Variants in PTBP3 observed in about 807,000 individuals in gnomAD.
PTBP3 encodes the protein polypyrimidine tract-binding protein 3.
A neutral mutation model predicts 58.7 loss-of-function variants in PTBP3; 20 were observed. The ratio of observed to expected loss-of-function variants is 0.34; its 90% confidence interval spans 0.24 to 0.50. The LOEUF is 0.50. Ranked by LOEUF, PTBP3 falls within the 20% of genes least tolerant of loss-of-function variation. The pLI is 0.98. For synonymous variants in PTBP3, 185 were observed against 219.8 expected (o/e 0.84, Z 1.40); for missense variants, 509 against 637.2 (o/e 0.80, Z 2.17).
intron 7 of PTBP3, among the ~76,000 whole-genome samples, chr9:112,250,197 C>T (rs937392822): frequency 6.6e-6 from 1 of 151,902 alleles, no homozygotes; most frequent in African/African-American, 2.4e-5. Context: ...CAATATTTTA[C>T]GGTGTTATTT....
In PTBP3 at chr9:112,302,582, C is replaced by CTTTTTTTT. The variant is rs369208342; in HGVS notation, c.-51-4674_-51-4667dup. Among the ~76,000 whole-genome samples the CTTTTTTTT allele has an allele frequency of 3.3e-3, 367 of 110,440 alleles. 18 individuals carry two copies. Among genetic ancestry groups the CTTTTTTTT allele is most frequent in the Middle Eastern group, 9.9e-3 (2 of 202 alleles). The allele number at this position is 110,440 out of a possible 152,430, so 72.5% of individuals were successfully genotyped here. A position where few individuals can be genotyped will look rare whatever the true frequency, so the allele number is the denominator to read the frequency against. On this transcript the variant is annotated intron_variant, in intron 1 of 13. Transcript: ENST00000374257. Reference sequence around the variant, plus strand: ...CCCAAAAGCTGACTATATTCTTCATCTTTTTTTTTTTTTTTTTTTTTTTGG... The same window carrying CTTTTTTTT: ...CCCAAAAGCTGACTATATTCTTCATCTTTTTTTTTTTTTTTTTTTTTTTTTTTTTTTGG...
rs772584990 is a variant in PTBP3, at chr9:112,306,586, G to GTGTATA, written c.-51-8671_-51-8670insTATACA. On this transcript the variant is annotated intron_variant, in intron 1 of 13. Transcript: ENST00000374257. Reference sequence around the variant, plus strand: ...AAAACCAGAAAATTAATTTAAATTTGTATATATATATATATATATTTTTGT... The same window carrying GTGTATA: ...AAAACCAGAAAATTAATTTAAATTTGTGTATATATATATATATATATATATTTTTGT... 9.6e-5 allele frequency among the ~76,000 whole-genome samples: 11 copies of GTGTATA among 114,550 alleles called. No individual in the cohort carries two copies. In the East Asian group the frequency reaches 1.4e-3, roughly 15 times the overall value. The allele number at this position is 114,550 out of a possible 152,430, so 75.1% of individuals were successfully genotyped here.
chr9:112,291,689 T>C (rs748868886), intron 2 of PTBP3, among the ~76,000 whole-genome samples: 1 of 152,154 alleles, frequency 6.6e-6, no homozygotes, highest in East Asian at 1.9e-4. Context: ...ATTGGACTCT[T>C]ACTTTACACC....
At position 112,332,770 on chromosome 9, in the gene PTBP3, CA is replaced by C. The variant is rs1302826612; in HGVS notation, c.-52+699del. 1.9e-6 allele frequency: 3 copies of C among 1,611,918 alleles called. No homozygotes were observed. In the Admixed American group the frequency reaches 5.0e-5, roughly 27 times the overall value. ...ATGCCCCCGAAAATCGCTCGTACATCATATTTTACATACACGGGCAGATAAT... is the reference window on the plus strand; with the variant it reads ...ATGCCCCCGAAAATCGCTCGTACATCTATTTTACATACACGGGCAGATAAT... On this transcript the variant is annotated intron_variant, in intron 1 of 13. Transcript: ENST00000374257.
the PTBP3 span, among the ~76,000 whole-genome samples, chr9:112,364,033 C>T: frequency 6.6e-6 from 1 of 152,092 alleles, no homozygotes; most frequent in East Asian, 1.9e-4. Flanking sequence ...AACACTGATC[C>T]TTTTTACTGT....
chr9:112,274,974 C>T (rs1827545575), intron 3 of PTBP3, among the ~76,000 whole-genome samples: 1 of 152,146 alleles, frequency 6.6e-6, no homozygotes, highest in African/African-American at 2.4e-5. Context: ...ATTGTCACTT[C>T]CTTGTTCCCA....
chr9:112,256,268 A>C (rs1234862160), intron 5 of PTBP3, among the ~76,000 whole-genome samples: 2 of 100,840 alleles, frequency 2.0e-5, no homozygotes, highest in South Asian at 3.4e-4. Context: ...AAAAAAAAAA[A>C]CAAAATATAT....
At chr9:112,298,695 C>A in intron 1 of PTBP3, 3 of 326,112 alleles carry the variant, frequency 9.2e-6, no homozygotes, top group Non-Finnish European at 6.0e-6. Context: ...CCCAAACAAT[C>A]CTACAAATAT....
chr9:112,263,260 C>T (rs1836671696), intron 4 of PTBP3, among the ~76,000 whole-genome samples: 1 of 152,110 alleles, frequency 6.6e-6, no homozygotes, highest in South Asian at 2.1e-4. Flanking sequence ...CATAGGAAAC[C>T]TTTAGTCCAT....
chr9:112,328,477 A>G (rs552022762), intron 1 of PTBP3, among the ~76,000 whole-genome samples: 1 of 152,360 alleles, frequency 6.6e-6, no homozygotes, highest in East Asian at 1.9e-4. Flanking sequence ...GTAGTCAGAA[A>G]GCCAAATTTT....
At chr9:112,234,240 G>C (rs1299776775) in intron 8 of PTBP3, among the ~76,000 whole-genome samples, 1 of 151,968 alleles carries the variant, frequency 6.6e-6, no homozygotes, top group African/African-American at 2.4e-5. Flanking sequence ...CATTATCAAC[G>C]TATTAATCAA....
intron 3 of PTBP3, among the ~76,000 whole-genome samples, chr9:112,269,864 A>C (rs1385617353): frequency 6.6e-6 from 1 of 152,078 alleles, no homozygotes; most frequent in African/African-American, 2.4e-5. Context: ...TGCCTTTTTA[A>C]GTGTTTCTAG....
intron 2 of PTBP3, among the ~76,000 whole-genome samples, chr9:112,284,104 T>C (rs538587343): frequency 7.5e-6 from 1 of 134,228 alleles, no homozygotes; most frequent in Non-Finnish European, 1.6e-5. Flanking sequence ...AGAAGGGAAA[T>C]GTGGGGTTGG....
intron 3 of PTBP3, among the ~76,000 whole-genome samples, chr9:112,271,724 A>G (rs1278757118): frequency 6.6e-5 from 10 of 152,140 alleles, no homozygotes; most frequent in Admixed American, 6.6e-4. Flanking sequence ...GCAACAGAGC[A>G]AGACTCCGCT....
In PTBP3 at chr9:112,317,968, T is replaced by C. The variant is rs1829775416; in HGVS notation, c.-52+15502A>G. 2.0e-5 allele frequency among the ~76,000 whole-genome samples: 3 copies of C among 152,092 alleles called. No individual in the cohort carries two copies. In the South Asian group the frequency reaches 6.2e-4, roughly 32 times the overall value. ...AACAAAAAACAAACAAACAAATCCA[T>C]TATGAACAACTTTACATGCATAAAT... On this transcript the variant is annotated intron_variant, in intron 1 of 13. Transcript: ENST00000374257.
In PTBP3 at chr9:112,235,343, A is replaced by G. The variant is rs556991777; in HGVS notation, c.803-446T>C. On this transcript the variant is annotated intron_variant, in intron 7 of 13. Coordinates refer to ENST00000374257, the MANE Select transcript of PTBP3 (RefSeq NM_001163788.4). ...AGGGTCGAAAGGTACAAATTCAAAT[A>G]TATTACAATTGGAGTAAGAAGTGAT... Among the ~76,000 whole-genome samples the G allele has an allele frequency of 3.9e-5, 6 of 152,314 alleles. No homozygotes were observed. In the South Asian group the frequency reaches 8.3e-4, roughly 21 times the overall value.
chr9:112,330,414 T>C (rs755531264), intron 1 of PTBP3: 19 of 1,450,230 alleles, frequency 1.3e-5, no homozygotes, highest in Admixed American at 5.8e-5. Context: ...TAAAAATGCA[T>C]ATGAAAGGAT....
At chr9:112,308,198 T>A (rs1174755001) in intron 1 of PTBP3, among the ~76,000 whole-genome samples, 1 of 152,146 alleles carries the variant, frequency 6.6e-6, no homozygotes, top group Non-Finnish European at 1.5e-5. Context: ...GCTAATTTTT[T>A]TTATTTTTTG....
intron 1 of PTBP3, chr9:112,333,091 A>C: frequency 7.9e-7 from 1 of 1,269,044 alleles, no homozygotes; most frequent in Admixed American, 4.2e-5. Context: ...CGCCTCCCCC[A>C]GCGCCGCGCA....
Sources: allele counts gnomAD v4.1 joint callset (sites outside exome capture counted in the v4.1 genomes callset), GRCh38; gene constraint gnomAD v4.1.1; transcripts MANE v1.5; gene names NCBI Gene and HGNC (gene_info 2026-07-23, HGNC 2026-07-21).